Variants in CMPK2 observed in about 807,000 individuals in gnomAD.
CMPK2 encodes the protein UMP-CMP kinase 2, mitochondrial.
CMPK2 carries 32 observed loss-of-function variants against 33.4 expected under a neutral mutation model. That is an observed-to-expected ratio of 0.96 (90% CI 0.72 to 1.29). The LOEUF (loss-of-function observed/expected upper bound fraction) is 1.29, where lower values mean the gene tolerates loss of function less well. CMPK2 is among the 50% of genes most tolerant of loss of function. The pLI is 0.00. For missense variants in CMPK2, 672 were observed against 616.0 expected (o/e 1.09, Z -0.96); for synonymous variants, 299 against 275.3 (o/e 1.09, Z -0.85).
chr2:6,853,900 TA>T lies in CMPK2; in HGVS notation c.993-2218del, dbSNP rs879924765. Among the ~76,000 whole-genome samples, 375 of 141,150 alleles carry T rather than the reference TA, an allele frequency of 2.7e-3. 1 individual carries two copies. Among genetic ancestry groups the T allele is most frequent in the Non-Finnish European group, 2.5e-3 (162 of 64,350 alleles). The allele number at this position is 141,150 out of a possible 152,430, so 92.6% of individuals were successfully genotyped here. On this transcript the variant is annotated intron_variant, in intron 3 of 4. Coordinates refer to ENST00000256722, the MANE Select transcript of CMPK2 (RefSeq NM_207315.4). Reference sequence around the variant, plus strand: ...CTGGGCAACAGAGCGAGACTTCATCTAAAAAAAAAAAAGAAAAATTCACTTG... The same window carrying T: ...CTGGGCAACAGAGCGAGACTTCATCTAAAAAAAAAAAGAAAAATTCACTTG...
At chr2:6,861,054 C>G in intron 3 of CMPK2, 130 bp downstream of exon 3, 1 of 728,132 alleles carries the variant, frequency 1.4e-6, no homozygotes, top group South Asian at 1.8e-5. Flanking sequence ...AACAGTTTGA[C>G]TTAAACACAA....
chr2:6,858,159 A>C (rs958165243), intron 3 of CMPK2, among the ~76,000 whole-genome samples: 3 of 151,588 alleles, frequency 2.0e-5, no homozygotes, highest in African/African-American at 7.3e-5. Context: ...TCATTCTTGC[A>C]GATTTCTTTC....
intron 4 of CMPK2, 32 bp downstream of exon 4, chr2:6,851,418 C>T: frequency 1.2e-6 from 2 of 1,613,654 alleles, no homozygotes; most frequent in Non-Finnish European, 1.7e-6. Flanking sequence ...GGAATGCCTG[C>T]CGCTCACATT....
At position 6,865,318 on chromosome 2, in the gene CMPK2, C is replaced by T; in HGVS notation, c.379G>A (p.Ala127Thr). 2 of 1,499,046 alleles carry T rather than the reference C, an allele frequency of 1.3e-6. No individual in the cohort carries two copies. The highest frequency in any genetic ancestry group is 4.2e-5 in the Admixed American group (2 of 47,070). 92.9% of individuals were successfully genotyped at this position (1,499,046 alleles called of 1,614,324 possible). The change falls in exon 1 of 5, where the codon GCA (alanine) becomes ACA (threonine). Residue 127 changes from alanine (A) to threonine (T), a missense_variant. By Grantham distance (58) the Ala-to-Thr change is moderately conservative. Coordinates refer to ENST00000256722, the MANE Select transcript of CMPK2 (RefSeq NM_207315.4). ...TCGCGCAGCAGGAAGCCTTGCTGTGCGCCGCCGGCCTGGCCGCCCGGGCAG... is the reference window on the plus strand; with the variant it reads ...TCGCGCAGCAGGAAGCCTTGCTGTGTGCCGCCGGCCTGGCCGCCCGGGCAG... ...CYCPGGQAGG[A>T]QQGFLLRDPL...
intron 3 of CMPK2, among the ~76,000 whole-genome samples, chr2:6,855,145 AC>A (rs1280277692): frequency 2.0e-5 from 3 of 150,792 alleles, no homozygotes; most frequent in African/African-American, 7.3e-5. Context: ...AATATCAAAA[AC>A]CACAATGACT....
In CMPK2 at chr2:6,849,724, T is replaced by A; in HGVS notation, c.*126A>T. On this transcript the variant is annotated 3_prime_UTR_variant, in exon 5 of 5. Transcript: ENST00000256722. ...GCTGAAGTAAAATTAAGATGCCTGG[T>A]CTCCAGTTTTCTGCCACACAACATG... 2.0e-6 allele frequency: 3 copies of A among 1,530,070 alleles called. No homozygotes were observed. The highest frequency in any genetic ancestry group is 2.6e-6 in the Non-Finnish European group (3 of 1,149,578). 94.8% of individuals were successfully genotyped at this position (1,530,070 alleles called of 1,614,324 possible).
At position 6,849,754 on chromosome 2, in the gene CMPK2, TA is replaced by T; in HGVS notation, c.*95del. The T allele has an allele frequency of 6.3e-7, 1 of 1,575,074 alleles. No individual in the cohort carries two copies. The highest frequency in any genetic ancestry group is 8.6e-7 in the Non-Finnish European group (1 of 1,166,444). Reference sequence around the variant, plus strand: ...AGTTTTCTGCCACACAACATGCTTGTAGAACAGAAATTTGGGAACACTGCAT... The same window carrying T: ...AGTTTTCTGCCACACAACATGCTTGTGAACAGAAATTTGGGAACACTGCAT... On this transcript the variant is annotated 3_prime_UTR_variant, in exon 5 of 5. Coordinates refer to ENST00000256722, the MANE Select transcript of CMPK2 (RefSeq NM_207315.4).
chr2:6,845,712 G>A (rs985051606), downstream of CMPK2, among the ~76,000 whole-genome samples: 2 of 152,184 alleles, frequency 1.3e-5, no homozygotes, highest in Non-Finnish European at 2.9e-5. Flanking sequence ...TTTAATGCAG[G>A]GAATGTCCTA....
Position 6,865,834 on chromosome 2 carries a change from G to C in CMPK2, c.-138C>G. On this transcript the variant is annotated 5_prime_UTR_variant, in exon 1 of 5. Coordinates refer to ENST00000256722, the MANE Select transcript of CMPK2 (RefSeq NM_207315.4). Reference sequence around the variant, plus strand: ...AGCGAAGCGTTGCGGGGAAACGAAAGCCGGAGGCCCAGGCGGGGCAGGAGC... The same window carrying C: ...AGCGAAGCGTTGCGGGGAAACGAAACCCGGAGGCCCAGGCGGGGCAGGAGC... 1 of 1,279,272 alleles carries C rather than the reference G, an allele frequency of 7.8e-7. No individual in the cohort carries two copies. Among genetic ancestry groups the C allele is most frequent in the Non-Finnish European group, 9.9e-7 (1 of 1,012,204 alleles). The allele number at this position is 1,279,272 out of a possible 1,614,324, so 79.2% of individuals were successfully genotyped here.
rs546061748 is a variant in CMPK2, at chr2:6,859,117, T to C, written c.992+2067A>G. Among the ~76,000 whole-genome samples, 127 of 152,342 alleles carry C rather than the reference T, an allele frequency of 8.3e-4. 1 individual carries two copies. Among genetic ancestry groups the C allele is most frequent in the Admixed American group, 7.9e-3 (121 of 15,304 alleles). On this transcript the variant is annotated intron_variant, in intron 3 of 4. Transcript: ENST00000256722. ...GGCATTTAGCCCTTGCCCTAGAGAT[T>C]TGTGGAACTTTGAACTTGAGAGAAT... is the stretch of plus-strand genomic sequence containing the variant.
chr2:6,852,534 C>G (rs1368175759), intron 3 of CMPK2, among the ~76,000 whole-genome samples: 1 of 152,208 alleles, frequency 6.6e-6, no homozygotes, highest in Non-Finnish European at 1.5e-5. Context: ...ACAGAATTGA[C>G]TGTTTTCTCC....
At chr2:6,847,942 G>C (rs1662401545), downstream of CMPK2, among the ~76,000 whole-genome samples, 1 of 152,084 alleles carries the variant, frequency 6.6e-6, no homozygotes, top group Admixed American at 6.6e-5. Flanking sequence ...TCTATCACAG[G>C]AACAAAACCA....
upstream of CMPK2, chr2:6,866,551 A>G: frequency 3.5e-6 from 3 of 847,618 alleles, no homozygotes; most frequent in Non-Finnish European, 4.3e-6. Flanking sequence ...AGTTTCCTGC[A>G]CTAAGGTGAA....
At chr2:6,850,310 T>G (rs1382465469) in intron 4 of CMPK2, among the ~76,000 whole-genome samples, 2 of 152,204 alleles carry the variant, frequency 1.3e-5, no homozygotes, top group Non-Finnish European at 2.9e-5. Context: ...CTCAAAGAAT[T>G]TAGGTAATTT....
At chr2:6,847,809 C>T (rs1006950377), downstream of CMPK2, among the ~76,000 whole-genome samples, 47 of 152,240 alleles carry the variant, frequency 3.1e-4, no homozygotes, top group Non-Finnish European at 2.2e-4. Flanking sequence ...ACTAGCCAGT[C>T]GCCCACCTCC....
At position 6,865,518 on chromosome 2, in the gene CMPK2, G is replaced by A. The variant is rs748467041; in HGVS notation, c.179C>T (p.Pro60Leu). 1.6e-6 allele frequency: 2 copies of A among 1,276,772 alleles called. No individual in the cohort carries two copies. Among genetic ancestry groups the A allele is most frequent in the South Asian group, 5.1e-5 (2 of 39,164 alleles). 79.1% of individuals were successfully genotyped at this position (1,276,772 alleles called of 1,614,324 possible). A position where few individuals can be genotyped will look rare whatever the true frequency, so the allele number is the denominator to read the frequency against. The stretch of plus-strand genomic sequence containing the variant: ...GGGCCCCAGCAGCGCCGCCAGGCGG[G>A]GGTCGGGGGCGTCTGCGTCGCCGGG... ...DAPGDADAPD[P>L]RLAALLGPPE... Residue 60 changes from proline to leucine, a missense_variant, in exon 1 of 5, where the codon CCC (proline) becomes CTC (leucine). Transcript: ENST00000256722.
At chr2:6,851,111 G>A (rs1662508582) in intron 4 of CMPK2, 5 of 1,133,392 alleles carry the variant, frequency 4.4e-6, no homozygotes, top group Non-Finnish European at 5.5e-6. Context: ...ATGTTACTAT[G>A]AGCTCGTTAT....
At chr2:6,856,447 G>C (rs1391392132) in intron 3 of CMPK2, among the ~76,000 whole-genome samples, 3 of 152,156 alleles carry the variant, frequency 2.0e-5, no homozygotes, top group African/African-American at 7.2e-5. Flanking sequence ...TCTCATTCTT[G>C]ATCTGGGTAC....
At chr2:6,858,551 G>A (rs906634087) in intron 3 of CMPK2, among the ~76,000 whole-genome samples, 2 of 152,016 alleles carry the variant, frequency 1.3e-5, no homozygotes, top group African/African-American at 4.8e-5. Context: ...GAATCACAGG[G>A]GCAGGTCTTT....
Sources: gnomAD v4.1 joint callset for allele counts (sites outside exome capture counted in the v4.1 genomes callset) on GRCh38, gnomAD v4.1.1 for gene constraint, MANE v1.5 for transcripts, NCBI Gene and HGNC (gene_info 2026-07-23, HGNC 2026-07-21) for gene names.